Variants in OPA1 observed in about 807,000 individuals in gnomAD.
The protein encoded by OPA1 is OPA1 mitochondrial dynamin like GTPase, also known as dynamin-like GTPase OPA1, mitochondrial.
OPA1 carries 59 observed loss-of-function variants against 152.9 expected under a neutral mutation model. That is an observed-to-expected ratio of 0.39 (90% CI 0.31 to 0.48). The LOEUF is 0.48. Ranked by LOEUF, OPA1 falls within the 20% of genes least tolerant of loss-of-function variation. OPA1 has a pLI of 0.96. For synonymous variants in OPA1, 400 were observed against 389.9 expected (o/e 1.03, Z -0.31); for missense variants, 1,008 against 1,216.8 (o/e 0.83, Z 2.55).
At chr3:193,688,492 T>G (rs1721244584) in intron 29 of OPA1, among the ~76,000 whole-genome samples, 2 of 110,132 alleles carry the variant, frequency 1.8e-5, no homozygotes, top group Admixed American at 2.1e-4. Flanking sequence ...TTTTTTTTTT[T>G]TTTTGAGACA....
intron 7 of OPA1, chr3:193,627,382 T>C (rs961008558): frequency 2.0e-5 from 3 of 152,200 alleles, no homozygotes; most frequent in Admixed American, 6.5e-5. Flanking sequence ...TTAAAGTCGA[T>C]GTGTTAAGCC....
chr3:193,606,814 T>A (rs547898319), intron 1 of OPA1, among the ~76,000 whole-genome samples: 1 of 152,336 alleles, frequency 6.6e-6, no homozygotes, highest in Non-Finnish European at 1.5e-5. Context: ...ACGGTATTTC[T>A]AGTTCTAGAT....
chr3:193,661,846 T>C (rs1421093868), intron 25 of OPA1, among the ~76,000 whole-genome samples: 1 of 152,208 alleles, frequency 6.6e-6, no homozygotes, highest in Non-Finnish European at 1.5e-5. Context: ...TCAGACTGAA[T>C]AGTACATGTT....
rs756672462 is a variant in OPA1, at chr3:193,654,982, G to A, written c.2133G>A (p.Lys711=). ...CTTTTAACACCACAGTGGATATCAA[G>A]CTTAAACAGTGGACTGATAAACAAC... ...SGTFNTTVDI[K]LKQWTDKQLP... Residue 711 remains lysine (K), a synonymous_variant, in exon 22 of 31, where the codon AAG becomes AAA. Transcript: ENST00000361510. 26 of 1,613,942 alleles carry A rather than the reference G, an allele frequency of 1.6e-5. 1 individual carries two copies. The South Asian group carries it at 2.9e-4, about 18-fold the overall frequency.
intron 1 of OPA1, among the ~76,000 whole-genome samples, chr3:193,612,285 T>C (rs928063922): frequency 6.6e-6 from 1 of 150,736 alleles, no homozygotes; most frequent in Non-Finnish European, 1.5e-5. Context: ...TTTTTTTTTT[T>C]TTTTTAAATC....
intron 6 of OPA1, 112 bp downstream of exon 6, chr3:193,619,048 T>TC: frequency 1.2e-6 from 1 of 844,550 alleles, no homozygotes; most frequent in Non-Finnish European, 2.0e-6. Flanking sequence ...TACAAAAACA[T>TC]CCAAGTAGAG....
chr3:193,694,833 G>A lies in OPA1; in HGVS notation c.*233G>A, dbSNP rs975139035. 6.6e-5 allele frequency: 10 copies of A among 152,256 alleles called. No homozygotes were observed. In the South Asian group the frequency reaches 8.3e-4, roughly 13 times the overall value. The allele number at this position is 152,256 out of a possible 1,614,324, so 9.4% of individuals were successfully genotyped here. On this transcript the variant is annotated 3_prime_UTR_variant, in exon 31 of 31. Transcript: ENST00000361510. The stretch of plus-strand genomic sequence containing the variant: ...TTTTGTTGTACTAAAGTGACAAATC[G>A]GAATAATATAATTGGTATGGCCATT...
intron 20 of OPA1, chr3:193,648,480 A>G (rs192477979): frequency 5.1e-4 from 187 of 368,934 alleles, no homozygotes; most frequent in African/African-American, 3.6e-3. Context: ...ATTAGTTAAT[A>G]AAACACAGCA....
In OPA1 at chr3:193,664,905, A is replaced by T. The variant is rs1175079347; in HGVS notation, c.2687A>T (p.Tyr896Phe). 1 of 1,598,788 alleles carries T rather than the reference A, an allele frequency of 6.3e-7. No homozygotes were observed. The highest frequency in any genetic ancestry group is 8.6e-7 in the Non-Finnish European group (1 of 1,166,640). ...SLIKDTWHQV[Y>F]RRHFLKTALN... Reference sequence around the variant, plus strand: ...ATTAAGGATACTTGGCATCAAGTTTATAGAAGACATTTTTTAAAAACAGCT... The same window carrying T: ...ATTAAGGATACTTGGCATCAAGTTTTTAGAAGACATTTTTTAAAAACAGCT... The change falls in exon 27 of 31, where the codon TAT becomes TTT. Residue 896 changes from tyrosine (Y) to phenylalanine (F), a missense_variant. Physicochemically the swap from Tyr to Phe is conservative, Grantham distance 22 (BLOSUM62 3). This residue lies in a region of OPA1 where 137 missense variants were observed against 171.0 expected (regional missense o/e 0.80). Transcript: ENST00000361510.
chr3:193,594,076 AT>A (rs1435930052), intron 1 of OPA1, among the ~76,000 whole-genome samples: 1 of 152,078 alleles, frequency 6.6e-6, no homozygotes, highest in Non-Finnish European at 1.5e-5. Flanking sequence ...AATCTCAATC[AT>A]TGTTGCCCTG....
At chr3:193,645,264 A>G (rs560321382) in intron 16 of OPA1, among the ~76,000 whole-genome samples, 9 of 152,216 alleles carry the variant, frequency 5.9e-5, no homozygotes, top group African/African-American at 2.2e-4. Context: ...TTAAGGTCGC[A>G]TAACTACTAG....
chr3:193,635,321 A>G (rs1210330057), intron 8 of OPA1, 97 bp from the exon 9 acceptor site: 1 of 721,360 alleles, frequency 1.4e-6, no homozygotes, highest in East Asian at 2.6e-5. Context: ...TAAATAGGAG[A>G]TATGACTTCA....
chr3:193,692,166 A>T (rs770700511), intron 30 of OPA1, 34 bp downstream of exon 30: 8 of 1,078,604 alleles, frequency 7.4e-6, no homozygotes, highest in Middle Eastern at 3.9e-4. Context: ...ATTGGTGCTG[A>T]CTAAATACAA....
At chr3:193,617,498 A>G (rs1180824292) in intron 4 of OPA1, among the ~76,000 whole-genome samples, 1 of 152,222 alleles carries the variant, frequency 6.6e-6, no homozygotes, top group Non-Finnish European at 1.5e-5. Flanking sequence ...AAGCACTTAA[A>G]CATACTTGGC....
intron 16 of OPA1, among the ~76,000 whole-genome samples, chr3:193,644,894 A>C (rs1309980328): frequency 2.0e-5 from 3 of 152,126 alleles, no homozygotes; most frequent in Non-Finnish European, 2.9e-5. Context: ...TAAAGGAGGG[A>C]TTCTCATCCC....
At chr3:193,663,845 G>T (rs1463196517) in intron 26 of OPA1, among the ~76,000 whole-genome samples, 1 of 151,992 alleles carries the variant, frequency 6.6e-6, no homozygotes, top group African/African-American at 2.4e-5. Flanking sequence ...TTTATATATT[G>T]AAAATGAGAT....
intron 29 of OPA1, among the ~76,000 whole-genome samples, chr3:193,676,447 T>C (rs1226338143): frequency 1.3e-5 from 2 of 152,146 alleles, no homozygotes; most frequent in African/African-American, 4.8e-5. Flanking sequence ...TCTGTATAGA[T>C]GAAGTAGGCT....
intron 7 of OPA1, among the ~76,000 whole-genome samples, chr3:193,628,197 GT>G (rs1039559293): frequency 4.0e-4 from 61 of 151,988 alleles, no homozygotes; most frequent in Non-Finnish European, 1.5e-4. Flanking sequence ...TTTTTTAATT[GT>G]TTTTTCTCTC....
chr3:193,668,295 T>TA, intron 29 of OPA1: 1 of 1,528,700 alleles, frequency 6.5e-7, no homozygotes, highest in Non-Finnish European at 8.9e-7. Flanking sequence ...TGAATGAAGA[T>TA]ATGTCCTTTT....
Sources: gnomAD v4.1 joint callset for allele counts (sites outside exome capture counted in the v4.1 genomes callset) on GRCh38, gnomAD v4.1.1 for gene constraint, gnomAD v4.1.1 regional missense constraint, MANE v1.5 for transcripts, NCBI Gene and HGNC (gene_info 2026-07-23, HGNC 2026-07-21) for gene names.